Variants in PPP1R12A observed in about 807,000 individuals in gnomAD.
PPP1R12A encodes protein phosphatase 1 regulatory subunit 12A, also known as myosin binding subunit.
PPP1R12A carries 19 observed loss-of-function variants against 139.6 expected under a neutral mutation model. The observed-to-expected ratio is 0.14, with a 90% CI of 0.09 to 0.20. The LOEUF (loss-of-function observed/expected upper bound fraction) is 0.20, where lower values mean the gene tolerates loss of function less well. Among genes scored for constraint, PPP1R12A ranks in the 10% least tolerant of loss-of-function variants. The pLI is 1.00. For synonymous variants in PPP1R12A, 427 were observed against 420.6 expected (o/e 1.02, Z -0.19); for missense variants, 925 against 1,211.5 (o/e 0.76, Z 3.51).
chr12:79,935,004 C>T lies in PPP1R12A; in HGVS notation c.-73G>A. The T allele has an allele frequency of 6.7e-7, 1 of 1,491,086 alleles. No homozygotes were observed. The highest frequency in any genetic ancestry group is 1.3e-5 in the South Asian group (1 of 75,460). 92.4% of individuals were successfully genotyped at this position (1,491,086 alleles called of 1,614,324 possible). A position where few individuals can be genotyped will look rare whatever the true frequency, so the allele number is the denominator to read the frequency against. On this transcript the variant is annotated 5_prime_UTR_variant, in exon 1 of 25. Transcript: ENST00000450142. ...AGGCGGAGAGGGAAGAGAGGGGAGG[C>T]AGGGGGTGTGTGAATGTTTCTATGA... is the stretch of plus-strand genomic sequence containing the variant.
At chr12:79,789,321 A>C (rs941446181) in intron 20 of PPP1R12A, among the ~76,000 whole-genome samples, 12 of 152,324 alleles carry the variant, frequency 7.9e-5, no homozygotes, top group Admixed American at 2.0e-4. Flanking sequence ...TCATATAATG[A>C]TTAATATTTT....
chr12:79,821,538 A>G (rs1356302645), intron 6 of PPP1R12A, among the ~76,000 whole-genome samples: 1 of 152,110 alleles, frequency 6.6e-6, no homozygotes, highest in Non-Finnish European at 1.5e-5. Flanking sequence ...GGACTGCCTG[A>G]GCTCAGGAGT....
intron 9 of PPP1R12A, among the ~76,000 whole-genome samples, chr12:79,816,577 AAAACGTAAAGTCTT>A (rs1163332177): frequency 7.9e-5 from 12 of 152,186 alleles, no homozygotes; most frequent in African/African-American, 2.9e-4. Context: ...GAGAAGCAGG[AAAACGTAAAGTCTT>A]AAAAAGATTA....
intron 12 of PPP1R12A, 141 bp downstream of exon 12, chr12:79,807,085 A>T: frequency 1.9e-6 from 1 of 532,992 alleles, no homozygotes; most frequent in South Asian, 2.6e-5. Context: ...CTGTGTTTAG[A>T]GTAAGTTTTA....
intron 14 of PPP1R12A, among the ~76,000 whole-genome samples, chr12:79,804,187 C>T (rs1442927337): frequency 6.6e-6 from 1 of 151,886 alleles, no homozygotes; most frequent in African/African-American, 2.4e-5. Flanking sequence ...CTCCCAACCC[C>T]ACCACCAAAA....
intron 20 of PPP1R12A, chr12:79,789,506 G>T: frequency 3.1e-6 from 1 of 321,544 alleles, no homozygotes; most frequent in Non-Finnish European, 6.0e-6. Context: ...TATATCCAAA[G>T]TGACAAGTAA....
rs748409263 is a variant in PPP1R12A at position 79,934,948 on chromosome 12, G to A, written c.-17C>T. 1.3e-5 allele frequency: 21 copies of A among 1,570,932 alleles called. No individual in the cohort carries two copies. The highest frequency in any genetic ancestry group is 1.7e-5 in the Non-Finnish European group (20 of 1,156,486). On this transcript the variant is annotated 5_prime_UTR_variant, in exon 1 of 25. Coordinates refer to ENST00000450142, the MANE Select transcript of PPP1R12A (RefSeq NM_002480.3). The stretch of plus-strand genomic sequence containing the variant: ...CATCTTCATCCCCTCTCCTGCCGCC[G>A]GGTCTTCTTATCGCGAGGGGGGGAA...
At chr12:79,783,497 A>G (rs1347702812) in intron 22 of PPP1R12A, among the ~76,000 whole-genome samples, 3 of 152,030 alleles carry the variant, frequency 2.0e-5, no homozygotes, top group Non-Finnish European at 4.4e-5. Context: ...TCAAATATGA[A>G]TAAGACTGCT....
At chr12:79,819,915 AATACT>A (rs1875878001) in intron 8 of PPP1R12A, among the ~76,000 whole-genome samples, 1 of 151,874 alleles carries the variant, frequency 6.6e-6, no homozygotes, top group African/African-American at 2.4e-5. Flanking sequence ...TATTTAATAG[AATACT>A]ATACAATAGC....
chr12:79,787,418 C>G (rs1212412998), intron 21 of PPP1R12A: 1 of 152,184 alleles, frequency 6.6e-6, no homozygotes, highest in African/African-American at 2.4e-5. Context: ...TAATTCCACT[C>G]TATTTGGAAT....
chr12:79,795,875 T>A (rs1872449694), intron 17 of PPP1R12A, 116 bp from the exon 18 acceptor site: 3 of 912,044 alleles, frequency 3.3e-6, no homozygotes, highest in Non-Finnish European at 4.7e-6. Flanking sequence ...GGATGGAAGG[T>A]AGGCAGCTGC....
intron 1 of PPP1R12A, among the ~76,000 whole-genome samples, chr12:79,907,994 G>T (rs1020946978): frequency 6.6e-6 from 1 of 152,038 alleles, no homozygotes; most frequent in Non-Finnish European, 1.5e-5. Flanking sequence ...ACTTTTAATG[G>T]AGTGACCTCC....
At chr12:79,801,330 A>G (rs1873126992) in intron 14 of PPP1R12A, among the ~76,000 whole-genome samples, 1 of 126,010 alleles carries the variant, frequency 7.9e-6, no homozygotes, top group African/African-American at 3.1e-5. Context: ...GGGCAACTAG[A>G]GCAAAACTCT....
At chr12:79,798,308 CACTAGAATT>C (rs1242651206) in intron 15 of PPP1R12A, among the ~76,000 whole-genome samples, 177 bp downstream of exon 15, 18 of 152,140 alleles carry the variant, frequency 1.2e-4, no homozygotes, top group African/African-American at 4.3e-4. Flanking sequence ...GATTTATTCA[CACTAGAATT>C]ACTAGAATAA....
chr12:79,922,809 A>C (rs565069380), intron 1 of PPP1R12A, among the ~76,000 whole-genome samples: 142 of 152,270 alleles, frequency 9.3e-4, no homozygotes, highest in African/African-American at 3.3e-3. Context: ...CATGTAACAC[A>C]CCTGCACGTT....
At chr12:79,821,524 G>A (rs894685257) in intron 6 of PPP1R12A, among the ~76,000 whole-genome samples, 10 of 152,072 alleles carry the variant, frequency 6.6e-5, no homozygotes, top group Admixed American at 5.9e-4. Context: ...AGGCCAAGGC[G>A]GGAGGACTGC....
intron 5 of PPP1R12A, among the ~76,000 whole-genome samples, chr12:79,827,074 G>C (rs1181329932): frequency 6.6e-6 from 1 of 152,142 alleles, no homozygotes; most frequent in Non-Finnish European, 1.5e-5. Context: ...GCTAAAATTA[G>C]CTGGCCTTTT....
chr12:79,845,230 C>T, intron 3 of PPP1R12A, 72 bp downstream of exon 3: 1 of 1,204,386 alleles, frequency 8.3e-7, no homozygotes, highest in South Asian at 1.3e-5. Flanking sequence ...TCAATGTCAA[C>T]AAATATTTTT....
chr12:79,902,230 TAACA>T (rs750509512), intron 1 of PPP1R12A, among the ~76,000 whole-genome samples: 30 of 152,328 alleles, frequency 2.0e-4, no homozygotes, highest in East Asian at 3.9e-4. Flanking sequence ...TAAGTGTTTC[TAACA>T]AACAACACCA....
Sources: gnomAD v4.1 joint callset for allele counts (sites outside exome capture counted in the v4.1 genomes callset) on GRCh38, gnomAD v4.1.1 for gene constraint, MANE v1.5 for transcripts, NCBI Gene and HGNC (gene_info 2026-07-23, HGNC 2026-07-21) for gene names.